PTPRF: variants seen among roughly 807,000 people sequenced by gnomAD.
The protein encoded by PTPRF is protein tyrosine phosphatase receptor type F.
In PTPRF, 59 loss-of-function variants were observed where a neutral mutation model predicts 201.8. The ratio of observed to expected loss-of-function variants is 0.29; its 90% CI spans 0.24 to 0.36. The LOEUF is 0.36. Among genes scored for constraint, PTPRF ranks in the 10% least tolerant of loss-of-function variants. PTPRF has a pLI of 1.00. For missense variants in PTPRF, 2,132 were observed against 2,690.5 expected (o/e 0.79, Z 4.59); for synonymous variants, 1,088 against 1,089.7 (o/e 1.00, Z 0.03).
Position 43,588,872 on chromosome 1 carries a change from A to G in PTPRF, c.821A>G (p.Lys274Arg). The G allele has an allele frequency of 6.2e-7, 1 of 1,614,066 alleles. No individual in the cohort carries two copies. The highest frequency in any genetic ancestry group is 8.5e-7 in the Non-Finnish European group (1 of 1,179,938). Residue 274 changes from lysine to arginine, a missense_variant, in exon 8 of 34, where the codon AAG (lysine) becomes AGG (arginine). Coordinates refer to ENST00000359947, the MANE Select transcript of PTPRF (RefSeq NM_002840.5). This position sits in a 1 kb window ranked among gnomAD's most constrained non-coding sequence, Gnocchi z 5.3. Reference protein sequence around the residue: ...KWMMGAEELTKEDEMPVGRNV... With the variant: ...KWMMGAEELTREDEMPVGRNV... ...ATGATGGGGGCCGAGGAGCTCACCA[A>G]GGAGGATGAGATGCCAGTTGGCCGC...
intron 5 of PTPRF, among the ~76,000 whole-genome samples, chr1:43,569,079 ACCTGGGGCTCTG>A (rs1449701656): frequency 2.6e-5 from 4 of 152,176 alleles, no homozygotes; most frequent in Non-Finnish European, 5.9e-5. Context: ...CCAGGCGGTG[ACCTGGGGCTCTG>A]CCATGTGATA....
chr1:43,573,705 C>T (rs1201447459), intron 6 of PTPRF, among the ~76,000 whole-genome samples: 1 of 152,238 alleles, frequency 6.6e-6, no homozygotes, highest in Non-Finnish European at 1.5e-5. Context: ...GACTTCTGGG[C>T]CCCTTCAGTC....
At chr1:43,528,172 C>G (rs1180110725), upstream of PTPRF, among the ~76,000 whole-genome samples, 3 of 152,150 alleles carry the variant, frequency 2.0e-5, no homozygotes, top group African/African-American at 7.2e-5. Context: ...CCAAAACACA[C>G]TAAAGGTAGA....
At chr1:43,564,202 G>C (rs912877338) in intron 5 of PTPRF, among the ~76,000 whole-genome samples, 2 of 152,304 alleles carry the variant, frequency 1.3e-5, no homozygotes, top group South Asian at 4.1e-4. Context: ...TGGAAGCCTG[G>C]GGGTGGGGCT....
intron 12 of PTPRF, 113 bp from the exon 13 acceptor site, chr1:43,598,605 CAG>C (rs1652966783): frequency 6.1e-6 from 6 of 977,046 alleles, no homozygotes; most frequent in Non-Finnish European, 7.8e-6. Context: ...GAAACTGTAT[CAG>C]GGCCTTTCCT....
Position 43,588,143 on chromosome 1 carries a change from T to C in PTPRF, c.680-588T>C, listed in dbSNP as rs894758827. On this transcript the variant is annotated intron_variant, in intron 7 of 33. Coordinates refer to ENST00000359947, the MANE Select transcript of PTPRF (RefSeq NM_002840.5). The surrounding 1 kb of genome is among the most constrained non-coding windows in gnomAD (Gnocchi z 5.3). The stretch of plus-strand genomic sequence containing the variant: ...TTGCTTGGGTTCCCAGGTTGTGCCC[T>C]GAGCATGGCTGAGACCCTGGCAGGC... Among the ~76,000 whole-genome samples the C allele has an allele frequency of 6.6e-6, 1 of 152,194 alleles. No individual in the cohort carries two copies. The highest frequency in any genetic ancestry group is 2.4e-5 in the African/African-American group (1 of 41,462).
chr1:43,599,884 G>C lies in PTPRF; in HGVS notation c.2313+971G>C, dbSNP rs75555735. Among the ~76,000 whole-genome samples, 633 of 152,264 alleles carry C rather than the reference G, an allele frequency of 4.2e-3. 18 individuals carry two copies. In the East Asian group the frequency reaches 0.076, roughly 18 times the overall value. On this transcript the variant is annotated intron_variant, in intron 13 of 33. Transcript: ENST00000359947. ...ACCCTGCTGGAGAGTCACAACACCTGGTGTGGTGCTCTCAAGGTCTCCCTA... is the reference window on the plus strand; with the variant it reads ...ACCCTGCTGGAGAGTCACAACACCTCGTGTGGTGCTCTCAAGGTCTCCCTA...
intron 5 of PTPRF, among the ~76,000 whole-genome samples, chr1:43,561,099 C>T (rs1011989303): frequency 6.6e-6 from 1 of 152,102 alleles, no homozygotes; most frequent in African/African-American, 2.4e-5. Flanking sequence ...CTTTGGGGCT[C>T]GTGGGATGAC....
rs888065977 is a variant in PTPRF at position 43,542,090 on chromosome 1, C to T, written c.-45-2941C>T. ...CTCCCACCTTCTCCCCACAGGTGAC[C>T]CTGGGACCCTGGGACTCTGGGGGCC... On this transcript the variant is annotated intron_variant, in intron 2 of 33. Coordinates refer to ENST00000359947, the MANE Select transcript of PTPRF (RefSeq NM_002840.5). The surrounding 1 kb of genome is among the most constrained non-coding windows in gnomAD (Gnocchi z 5.2). Among the ~76,000 whole-genome samples the T allele has an allele frequency of 1.3e-5, 2 of 152,172 alleles. No individual in the cohort carries two copies. The highest frequency in any genetic ancestry group is 2.4e-5 in the African/African-American group (1 of 41,438).
rs1453572947 is a variant in PTPRF, at chr1:43,553,829, A to G, written c.267A>G (p.Ser89=). 5 of 1,614,102 alleles carry G rather than the reference A, an allele frequency of 3.1e-6. No homozygotes were observed. Among genetic ancestry groups the G allele is most frequent in the South Asian group, 1.1e-5 (1 of 91,088 alleles). The part of the protein sequence containing the change: ...EVIEFDDGAG[S]VLRIQPLRVQ... ...TTGAGTTTGATGATGGGGCAGGGTC[A>G]GTGCTTCGGATCCAGCCATTGCGGG... The change falls in exon 5 of 34, where the codon TCA becomes TCG. Residue 89 remains serine, a synonymous_variant. Transcript: ENST00000359947. This position sits in a 1 kb window ranked among gnomAD's most constrained non-coding sequence, Gnocchi z 4.1.
chr1:43,561,186 A>G (rs915041598), intron 5 of PTPRF, among the ~76,000 whole-genome samples: 4 of 152,174 alleles, frequency 2.6e-5, no homozygotes, highest in African/African-American at 7.2e-5. Context: ...CAGAGGGTCA[A>G]TGATAGACAT....
chr1:43,540,669 CTG>C (rs2153958281), intron 2 of PTPRF, among the ~76,000 whole-genome samples: 1 of 152,336 alleles, frequency 6.6e-6, no homozygotes, highest in African/African-American at 2.4e-5. Flanking sequence ...GATGGAGAAA[CTG>C]AGAGCTGCAA....
At chr1:43,549,679 C>T (rs1368325887) in intron 3 of PTPRF, among the ~76,000 whole-genome samples, 1 of 152,058 alleles carries the variant, frequency 6.6e-6, no homozygotes, top group Non-Finnish European at 1.5e-5. Context: ...TGTGGTGAAA[C>T]CCTGTCTTTA....
At chr1:43,580,234 G>A (rs947419469) in intron 7 of PTPRF, among the ~76,000 whole-genome samples, 1 of 152,090 alleles carries the variant, frequency 6.6e-6, no homozygotes, top group Non-Finnish European at 1.5e-5. Flanking sequence ...TGGCCTGTCC[G>A]ACTCTTTGGG....
intron 14 of PTPRF, 26 bp downstream of exon 14, chr1:43,602,123 A>T (rs371186473): frequency 1.9e-6 from 3 of 1,609,080 alleles, no homozygotes; most frequent in South Asian, 1.1e-5. Flanking sequence ...GCGAACGCGG[A>T]CAAGACATGG....
intron 5 of PTPRF, among the ~76,000 whole-genome samples, chr1:43,556,843 G>A (rs1018076805): frequency 2.0e-5 from 3 of 152,254 alleles, no homozygotes; most frequent in African/African-American, 7.2e-5. Flanking sequence ...GTGAGCTGAA[G>A]GTGGTTGGCC....
At chr1:43,609,599 A>T in intron 22 of PTPRF, 101 bp downstream of exon 22, 1 of 792,670 alleles carries the variant, frequency 1.3e-6, no homozygotes, top group Non-Finnish European at 2.1e-6. Flanking sequence ...CCTGGGCCGC[A>T]TGCACTTGTT....
intron 3 of PTPRF, among the ~76,000 whole-genome samples, chr1:43,549,137 G>A (rs890713181): frequency 2.0e-5 from 3 of 152,238 alleles, no homozygotes; most frequent in Admixed American, 6.5e-5. Flanking sequence ...CTCTCGTGGG[G>A]TGTCAGGCCA....
intron 2 of PTPRF, among the ~76,000 whole-genome samples, chr1:43,538,582 CT>C: frequency 6.6e-6 from 1 of 152,122 alleles, no homozygotes; most frequent in Non-Finnish European, 1.5e-5. Flanking sequence ...GAGTTTCTGG[CT>C]GGAGTGGATG....
Sources: gnomAD v4.1 joint callset for allele counts (sites outside exome capture counted in the v4.1 genomes callset) on GRCh38, gnomAD v4.1.1 for gene constraint, Gnocchi (gnomAD v3.1) non-coding constraint, MANE v1.5 for transcripts, NCBI Gene and HGNC (gene_info 2026-07-23, HGNC 2026-07-21) for gene names.